The following PRDM11 variants were observed in gnomAD, a reference collection of about 807,000 sequenced individuals.
PRDM11 encodes PR domain-containing protein 11.
A neutral mutation model predicts 97.8 loss-of-function variants in PRDM11; 20 were observed. That is an observed-to-expected ratio of 0.20 (90% CI 0.14 to 0.30). The LOEUF (loss-of-function observed/expected upper bound fraction) is 0.30, where lower values mean the gene tolerates loss of function less well. PRDM11 is among the 10% of genes least tolerant of loss of function. The pLI is 1.00. For synonymous variants in PRDM11, 599 were observed against 637.7 expected, an observed-to-expected ratio of 0.94 and a Z score of 0.91; for missense variants, 1,139 against 1,555.2, an observed-to-expected ratio of 0.73 and a Z score of 4.50.
chr11:45,209,415 T>C, intron 5 of PRDM11: 1 of 311,574 alleles, frequency 3.2e-6, no homozygotes. Flanking sequence ...CAGCCCACTC[T>C]TTCCATCCTC....
At chr11:45,106,363 C>A (rs1852061915) in intron 1 of PRDM11, among the ~76,000 whole-genome samples, 1 of 152,214 alleles carries the variant, frequency 6.6e-6, no homozygotes, top group Non-Finnish European at 1.5e-5. Context: ...GGTTTCCTGT[C>A]ACCCATGGGT....
chr11:45,223,262 C>T (rs1486956401), intron 6 of PRDM11, among the ~76,000 whole-genome samples: 19 of 152,096 alleles, frequency 1.2e-4, no homozygotes, highest in Admixed American at 1.2e-3. Context: ...GCGTGAGCAC[C>T]ACTGCACTTC....
intron 4 of PRDM11, among the ~76,000 whole-genome samples, chr11:45,186,501 G>A (rs898962049): frequency 1.3e-5 from 2 of 152,184 alleles, no homozygotes; most frequent in Admixed American, 1.3e-4. Context: ...GGAGAGAAGA[G>A]GCATTTCCTT....
chr11:45,114,157 G>A lies in PRDM11; in HGVS notation c.96+18256G>A, dbSNP rs1852252308. Among the ~76,000 whole-genome samples, 3 of 152,030 alleles carry A rather than the reference G, an allele frequency of 2.0e-5. No individual in the cohort carries two copies. In the South Asian group the frequency reaches 6.2e-4, roughly 32 times the overall value. On this transcript the variant is annotated intron_variant, in intron 1 of 6. Transcript: ENST00000530656. ...TTAGAATTAGCACAGGGAATTTAAAGCAGACTTTATAAATATGCTCAAGGA... is the reference window on the plus strand; with the variant it reads ...TTAGAATTAGCACAGGGAATTTAAAACAGACTTTATAAATATGCTCAAGGA...
rs1021704892 is a variant in PRDM11, at chr11:45,227,647, G to A, written c.3022G>A (p.Asp1008Asn). Residue 1008 changes from aspartate (D) to asparagine (N), a missense_variant, in exon 8 of 8, where the codon GAT becomes AAT. Transcript: ENST00000683152. The surrounding 1 kb of genome is among the most constrained non-coding windows in gnomAD (Gnocchi z 8.0). ...GGAGCTGATGAGCTATGGCAAGGAG[G>A]ATATGGTGCAAATATTTGATCACCT... Reference protein sequence around the residue: ...SEELMSYGKEDMVQIFDHLEA... With the variant: ...SEELMSYGKENMVQIFDHLEA... The A allele has an allele frequency of 8.5e-6, 13 of 1,533,822 alleles. No homozygotes were observed. The highest frequency in any genetic ancestry group is 2.4e-5 in the East Asian group (1 of 40,918).
At chr11:45,094,720 G>T (rs1851861850), upstream of PRDM11, among the ~76,000 whole-genome samples, 1 of 101,184 alleles carries the variant, frequency 9.9e-6, no homozygotes, top group African/African-American at 3.9e-5. Flanking sequence ...GGGAGGAAAA[G>T]ACGGAAGGAG....
At chr11:45,113,786 ATTTG>A (rs1565229955) in intron 1 of PRDM11, among the ~76,000 whole-genome samples, 2 of 80,538 alleles carry the variant, frequency 2.5e-5, no homozygotes, top group African/African-American at 1.0e-4. Context: ...AGTGCTACTG[ATTTG>A]TGTGTGTGTG....
At chr11:45,193,669 G>A (rs1022546269) in intron 4 of PRDM11, among the ~76,000 whole-genome samples, 1 of 152,150 alleles carries the variant, frequency 6.6e-6, no homozygotes, top group Non-Finnish European at 1.5e-5. Context: ...TTAGCCTGGT[G>A]GGCCATGCAG....
At chr11:45,186,363 G>C (rs1852706024) in intron 4 of PRDM11, among the ~76,000 whole-genome samples, 1 of 152,182 alleles carries the variant, frequency 6.6e-6, no homozygotes, top group African/African-American at 2.4e-5. Context: ...GAGCTGTCCA[G>C]AGCACTCTGG....
At chr11:45,097,787 A>G (rs1044335165) in intron 1 of PRDM11, among the ~76,000 whole-genome samples, 1 of 151,952 alleles carries the variant, frequency 6.6e-6, no homozygotes, top group African/African-American at 2.4e-5. Flanking sequence ...GCTGTGTTCC[A>G]CTCTCTTCAG....
At chr11:45,153,866 C>A (rs1046550412) in intron 1 of PRDM11, among the ~76,000 whole-genome samples, 8 of 152,120 alleles carry the variant, frequency 5.3e-5, no homozygotes, top group Non-Finnish European at 1.2e-4. Context: ...ACAACAGCCC[C>A]GTGAGGTTAC....
chr11:45,154,517 TG>T (rs1851741765), intron 1 of PRDM11, among the ~76,000 whole-genome samples: 1 of 151,976 alleles, frequency 6.6e-6, no homozygotes, highest in African/African-American at 2.4e-5. Context: ...GGAGTAGGGG[TG>T]GGGGCAGATA....
At chr11:45,174,875 T>C (rs1434532040) in intron 1 of PRDM11, among the ~76,000 whole-genome samples, 1 of 152,244 alleles carries the variant, frequency 6.6e-6, no homozygotes, top group Non-Finnish European at 1.5e-5. Flanking sequence ...TCATTATGTA[T>C]AGACTTTAAG....
intron 5 of PRDM11, among the ~76,000 whole-genome samples, chr11:45,210,204 C>G (rs1479372787): frequency 2.0e-5 from 3 of 152,224 alleles, no homozygotes; most frequent in East Asian, 3.9e-4. Context: ...TGCCTGCCCC[C>G]ACTTTTCTGT....
At chr11:45,132,393 C>T (rs1262142638) in intron 1 of PRDM11, among the ~76,000 whole-genome samples, 4 of 152,190 alleles carry the variant, frequency 2.6e-5, no homozygotes, top group African/African-American at 7.2e-5. Flanking sequence ...TAACCCTCAC[C>T]TCTGGGTAGT....
chr11:45,113,819 TGTGTG>T lies in PRDM11; in HGVS notation c.96+17919_96+17923del, dbSNP rs200981972. On this transcript the variant is annotated intron_variant, in intron 1 of 6. Coordinates refer to the PRDM11 transcript ENST00000530656. ...GTGTGTGTGTGTGTGTGTGTGTGTG[TGTGTG>T]TTTTGTTTTTTTTTTTTTTTACAAA... 4.6e-4 allele frequency among the ~76,000 whole-genome samples: 56 copies of T among 122,314 alleles called. 1 individual carries two copies. The highest frequency in any genetic ancestry group is 3.8e-3 in the Middle Eastern group (1 of 266). 80.2% of individuals were successfully genotyped at this position (122,314 alleles called of 152,430 possible).
At chr11:45,189,246 T>G (rs1192818006) in intron 4 of PRDM11, among the ~76,000 whole-genome samples, 1 of 152,166 alleles carries the variant, frequency 6.6e-6, no homozygotes, top group East Asian at 1.9e-4. Flanking sequence ...GACCTTGGCT[T>G]GTTCCAGAAG....
intron 1 of PRDM11, among the ~76,000 whole-genome samples, chr11:45,120,267 T>G (rs552048953): frequency 6.6e-6 from 1 of 152,128 alleles, no homozygotes; most frequent in Non-Finnish European, 1.5e-5. Flanking sequence ...CATACACATA[T>G]GTGGAGTATC....
At chr11:45,122,210 C>CACAG (rs1283707009) in intron 1 of PRDM11, among the ~76,000 whole-genome samples, 1 of 117,666 alleles carries the variant, frequency 8.5e-6, no homozygotes, top group Non-Finnish European at 1.9e-5. Context: ...CAGACACACA[C>CACAG]ACACACACAC....
Sources: allele counts gnomAD v4.1 joint callset (sites outside exome capture counted in the v4.1 genomes callset), GRCh38; gene constraint gnomAD v4.1.1; non-coding constraint Gnocchi (gnomAD v3.1); transcripts MANE v1.5; gene names NCBI Gene and HGNC (gene_info 2026-07-23, HGNC 2026-07-21).